Variants in TP63 observed in about 807,000 individuals in gnomAD.
TP63 encodes tumor protein p63, also known as tumor protein 63.
A neutral mutation model predicts 82.8 loss-of-function variants in TP63; 17 were observed. The ratio of observed to expected loss-of-function variants is 0.21; its 90% CI spans 0.14 to 0.31. The LOEUF is 0.31. TP63 is among the 10% of genes least tolerant of loss of function. TP63 has a pLI of 1.00. For missense variants in TP63, 648 were observed against 895.3 expected (o/e 0.72, Z 3.52); for synonymous variants, 330 against 321.7 (o/e 1.03, Z -0.28).
chr3:189,815,915 T>C (rs1002080261), intron 4 of TP63, among the ~76,000 whole-genome samples: 8 of 152,202 alleles, frequency 5.3e-5, no homozygotes, highest in Non-Finnish European at 1.2e-4. Context: ...TCTCAACTTG[T>C]TTTCTTACAG....
chr3:189,611,078 TG>T, the TP63 span, among the ~76,000 whole-genome samples: 2 of 152,126 alleles, frequency 1.3e-5, no homozygotes, highest in African/African-American at 4.8e-5. Context: ...GAGATTTGGA[TG>T]GGGACACAGC....
chr3:189,680,829 G>A (rs780192876), intron 1 of TP63, among the ~76,000 whole-genome samples: 2 of 152,088 alleles, frequency 1.3e-5, no homozygotes, highest in African/African-American at 2.4e-5. Context: ...CTAAAGCTGG[G>A]GTGGTTCTTG....
At chr3:189,789,636 A>T in intron 3 of TP63, 1 of 1,394,204 alleles carries the variant, frequency 7.2e-7, no homozygotes, top group African/African-American at 1.5e-5. Context: ...TTGGGTATAT[A>T]TTAGGAAACC....
chr3:189,773,997 A>T (rs1466091918), intron 3 of TP63, among the ~76,000 whole-genome samples: 5 of 132,336 alleles, frequency 3.8e-5, no homozygotes, highest in Admixed American at 9.9e-5. Flanking sequence ...ATCTTGGCTC[A>T]CTGCAAGCTC....
intron 4 of TP63, among the ~76,000 whole-genome samples, chr3:189,854,340 C>T (rs1169495897): frequency 6.6e-6 from 1 of 152,202 alleles, no homozygotes; most frequent in Non-Finnish European, 1.5e-5. Context: ...AAGCAATTCT[C>T]CTGCTTCATC....
At chr3:189,710,487 A>ATT (rs56392209) in intron 1 of TP63, among the ~76,000 whole-genome samples, 2 of 149,940 alleles carry the variant, frequency 1.3e-5, no homozygotes, top group Non-Finnish European at 3.0e-5. Context: ...AGCCAAATAG[A>ATT]TTTTTTTTTT....
chr3:189,636,140 A>C (rs553315733), intron 1 of TP63, among the ~76,000 whole-genome samples: 1 of 152,140 alleles, frequency 6.6e-6, no homozygotes, highest in African/African-American at 2.4e-5. Context: ...TTCAGTCTCT[A>C]ATGAATAAGC....
chr3:189,875,612 A>ATACG lies in TP63; in HGVS notation c.1349+2619_1349+2620insCGTA, dbSNP rs1553859686. On this transcript the variant is annotated intron_variant, in intron 10 of 13. Coordinates refer to ENST00000264731, the MANE Select transcript of TP63 (RefSeq NM_003722.5). ...TACATACATATATATATATATATAT[A>ATACG]TATATATATATATATATATATATAT... 4.4e-5 allele frequency among the ~76,000 whole-genome samples: 3 copies of ATACG among 67,662 alleles called. 1 individual carries two copies. The highest frequency in any genetic ancestry group is 1.4e-4 in the African/African-American group (3 of 20,998). The allele number at this position is 67,662 out of a possible 152,430, so 44.4% of individuals were successfully genotyped here.
In TP63 at chr3:189,894,100, T is replaced by G. The variant is rs1004721250; in HGVS notation, c.1747-106T>G. Reference sequence around the variant, plus strand: ...TTTTCTAATTTGTGGATCAATAGATTCAGATCAATTAAACCAGAGCATCAG... The same window carrying G: ...TTTTCTAATTTGTGGATCAATAGATGCAGATCAATTAAACCAGAGCATCAG... On this transcript the variant is annotated intron_variant, in intron 13 of 13. Coordinates refer to ENST00000264731, the MANE Select transcript of TP63 (RefSeq NM_003722.5). 2.2e-6 allele frequency: 3 copies of G among 1,377,788 alleles called. No homozygotes were observed. In the African/African-American group the frequency reaches 4.3e-5, roughly 20 times the overall value. The allele number at this position is 1,377,788 out of a possible 1,614,324, so 85.3% of individuals were successfully genotyped here. A position where few individuals can be genotyped will look rare whatever the true frequency, so the allele number is the denominator to read the frequency against.
At chr3:189,622,715 TG>T in the TP63 span, among the ~76,000 whole-genome samples, 1 of 152,224 alleles carries the variant, frequency 6.6e-6, no homozygotes, top group Non-Finnish European at 1.5e-5. Context: ...GAGTTAGAGC[TG>T]GGTCCATTAC....
At chr3:189,872,250 G>A (rs575874361) in intron 9 of TP63, among the ~76,000 whole-genome samples, 1 of 57,420 alleles carries the variant, frequency 1.7e-5, no homozygotes, top group Admixed American at 1.6e-4. Flanking sequence ...TGCACCTCTG[G>A]TCACATACAT....
At chr3:189,742,303 A>G (rs1721054640) in intron 3 of TP63, among the ~76,000 whole-genome samples, 1 of 151,236 alleles carries the variant, frequency 6.6e-6, no homozygotes. Context: ...TATTATTCAT[A>G]GACTGTGTAA....
chr3:189,614,743 G>C, the TP63 span, among the ~76,000 whole-genome samples: 1 of 152,188 alleles, frequency 6.6e-6, no homozygotes, highest in African/African-American at 2.4e-5. Flanking sequence ...AATATAAGAT[G>C]TGGGGGCAGA....
chr3:189,746,969 G>C (rs187837206), intron 3 of TP63, among the ~76,000 whole-genome samples: 1 of 148,934 alleles, frequency 6.7e-6, no homozygotes, highest in Admixed American at 6.7e-5. Context: ...ACTTCCGTCA[G>C]ATAAAACAGA....
At chr3:189,714,063 C>T (rs986596947) in intron 1 of TP63, among the ~76,000 whole-genome samples, 4 of 152,124 alleles carry the variant, frequency 2.6e-5, no homozygotes. Flanking sequence ...TTTTCCAACT[C>T]TTCATTTTAT....
chr3:189,633,600 T>C (rs967117516), intron 1 of TP63, among the ~76,000 whole-genome samples: 2 of 152,090 alleles, frequency 1.3e-5, no homozygotes, highest in Non-Finnish European at 2.9e-5. Flanking sequence ...TTAAGTAGTT[T>C]TAAATTTTCC....
chr3:189,786,010 A>G (rs577913575), intron 3 of TP63, among the ~76,000 whole-genome samples: 1 of 152,124 alleles, frequency 6.6e-6, no homozygotes, highest in Non-Finnish European at 1.5e-5. Context: ...TCAGGGAAAA[A>G]ATTAAAAATA....
intron 3 of TP63, among the ~76,000 whole-genome samples, chr3:189,756,395 T>A (rs1277583269): frequency 6.6e-6 from 1 of 152,228 alleles, no homozygotes; most frequent in Non-Finnish European, 1.5e-5. Context: ...ACTGTTTCTC[T>A]GTTCTGTTCT....
chr3:189,615,395 C>T, the TP63 span, among the ~76,000 whole-genome samples: 5 of 152,182 alleles, frequency 3.3e-5, no homozygotes, highest in Admixed American at 2.0e-4. Context: ...GTAGGCTTAC[C>T]ACTATCACTG....
Sources: gnomAD v4.1 joint callset for allele counts (sites outside exome capture counted in the v4.1 genomes callset) on GRCh38, gnomAD v4.1.1 for gene constraint, MANE v1.5 for transcripts, NCBI Gene and HGNC (gene_info 2026-07-23, HGNC 2026-07-21) for gene names.